The following NLN variants were observed in gnomAD, a reference collection of about 807,000 sequenced individuals.
NLN encodes the protein neurolysin.
In NLN, 64 loss-of-function variants were observed where a neutral mutation model predicts 79.9. That is an observed-to-expected ratio of 0.80 (90% CI 0.65 to 0.99). The LOEUF (loss-of-function observed/expected upper bound fraction) is 0.99, where lower values mean the gene tolerates loss of function less well. NLN is among the 50% of genes least tolerant of loss of function. NLN has a pLI of 0.00. For missense variants in NLN, 835 were observed against 858.7 expected, an observed-to-expected ratio of 0.97 and a Z score of 0.34; for synonymous variants, 267 against 296.6, an observed-to-expected ratio of 0.90 and a Z score of 1.02.
chr5:65,816,037 G>A (rs1357099472), intron 12 of NLN, among the ~76,000 whole-genome samples: 1 of 152,016 alleles, frequency 6.6e-6, no homozygotes, highest in Non-Finnish European at 1.5e-5. Flanking sequence ...AAAGAAAAGA[G>A]GAAGAAGAAC....
At chr5:65,782,841 T>C (rs570787534) in intron 6 of NLN, among the ~76,000 whole-genome samples, 1 of 152,302 alleles carries the variant, frequency 6.6e-6, no homozygotes, top group African/African-American at 2.4e-5. Context: ...TCCCAAACAA[T>C]TCCTCTAGGC....
chr5:65,748,968 A>T (rs1342882586), intron 1 of NLN, among the ~76,000 whole-genome samples: 6 of 151,974 alleles, frequency 3.9e-5, no homozygotes, highest in Non-Finnish European at 8.8e-5. Context: ...CTGGGGGCAG[A>T]TTTTTCCTGT....
chr5:65,728,170 A>G (rs1371354509), intron 1 of NLN, among the ~76,000 whole-genome samples: 21 of 152,344 alleles, frequency 1.4e-4, no homozygotes, highest in Non-Finnish European at 4.4e-5. Context: ...AAATATATAT[A>G]TAATCCAGCC....
At chr5:65,763,666 T>TG (rs1481138336) in intron 3 of NLN, among the ~76,000 whole-genome samples, 5 of 152,078 alleles carry the variant, frequency 3.3e-5, no homozygotes, top group Non-Finnish European at 5.9e-5. Context: ...GCAATTTTTT[T>TG]GGGGAAAAAA....
chr5:65,814,437 A>G (rs1342692182), intron 12 of NLN, among the ~76,000 whole-genome samples: 7 of 152,124 alleles, frequency 4.6e-5, no homozygotes, highest in African/African-American at 1.4e-4. Context: ...TTCACCTAAA[A>G]TATATGCCTC....
In NLN at chr5:65,809,535, C is replaced by G; in HGVS notation, c.1548C>G (p.Ser516Arg). ...TCTAGACTGATTTTGCACGATTTAG[C>G]GGAACAAATGTGGAAACTGACTTTG... ...ICAQTDFARF[S>R]GTNVETDFVE... Residue 516 changes from serine (S) to arginine (R), a missense_variant, in exon 10 of 13, where the codon AGC becomes AGG. Ser to Arg is a moderately radical substitution (Grantham distance 110). Coordinates refer to ENST00000380985, the MANE Select transcript of NLN (RefSeq NM_020726.5). 1 of 1,601,778 alleles carries G rather than the reference C, an allele frequency of 6.2e-7. No homozygotes were observed. The highest frequency in any genetic ancestry group is 8.5e-7 in the Non-Finnish European group (1 of 1,176,460).
chr5:65,787,016 G>T (rs1759939488), intron 7 of NLN, among the ~76,000 whole-genome samples: 1 of 152,220 alleles, frequency 6.6e-6, no homozygotes, highest in Non-Finnish European at 1.5e-5. Flanking sequence ...GGTTTGTAAA[G>T]AATGTTTCCT....
At chr5:65,768,480 A>G (rs535457036) in intron 3 of NLN, among the ~76,000 whole-genome samples, 1 of 152,328 alleles carries the variant, frequency 6.6e-6, no homozygotes, top group Non-Finnish European at 1.5e-5. Flanking sequence ...TCCCTCCCTC[A>G]ATACGTGGGG....
chr5:65,769,702 AC>A (rs2150751442), intron 3 of NLN, among the ~76,000 whole-genome samples: 1 of 152,344 alleles, frequency 6.6e-6, no homozygotes, highest in African/African-American at 2.4e-5. Flanking sequence ...GACTCATATA[AC>A]CTTGATTCCA....
At chr5:65,814,126 T>C (rs1760617600) in intron 12 of NLN, among the ~76,000 whole-genome samples, 1 of 152,192 alleles carries the variant, frequency 6.6e-6, no homozygotes, top group Non-Finnish European at 1.5e-5. Context: ...TCTGTTCTTT[T>C]CACAGCCTAA....
At chr5:65,785,697 A>G (rs1219860392) in intron 6 of NLN, 78 bp from the exon 7 acceptor site, 4 of 1,160,342 alleles carry the variant, frequency 3.4e-6, no homozygotes, top group Admixed American at 3.9e-5. Flanking sequence ...CTAAAAATAC[A>G]TACAGTAATT....
Position 65,722,393 on chromosome 5 carries a change from T to C in NLN, c.20T>C (p.Leu7Ser). The change falls in exon 1 of 13, where the codon TTG (leucine) becomes TCG (serine). Residue 7 changes from leucine to serine, a missense_variant. By Grantham distance (145) the Leu-to-Ser change is moderately radical (BLOSUM62 -2). Transcript: ENST00000380985. Reference protein sequence around the residue: MIARCLLAVRSLRRVGG... With the variant: MIARCLSAVRSLRRVGG... The stretch of plus-strand genomic sequence containing the variant: ...GCTCCCATGATCGCCCGGTGCCTTT[T>C]GGCTGTGCGAAGCCTCCGCAGGTAC... 1 of 1,591,646 alleles carries C rather than the reference T, an allele frequency of 6.3e-7. No individual in the cohort carries two copies. Among genetic ancestry groups the C allele is most frequent in the Non-Finnish European group, 8.5e-7 (1 of 1,170,498 alleles).
chr5:65,787,135 G>A (rs145781890), intron 7 of NLN, among the ~76,000 whole-genome samples: 89 of 152,114 alleles, frequency 5.9e-4, no homozygotes, highest in African/African-American at 2.0e-3. Flanking sequence ...CCTATGCAAA[G>A]TGTCCTCTTG....
At chr5:65,778,288 T>C (rs987628407) in intron 4 of NLN, among the ~76,000 whole-genome samples, 1 of 152,198 alleles carries the variant, frequency 6.6e-6, no homozygotes, top group Non-Finnish European at 1.5e-5. Context: ...AGAATTAACC[T>C]TTTTCTTCTT....
intron 3 of NLN, among the ~76,000 whole-genome samples, chr5:65,774,530 G>A (rs1460177245): frequency 6.6e-6 from 1 of 152,058 alleles, no homozygotes; most frequent in Non-Finnish European, 1.5e-5. Context: ...TCAGCTCTGG[G>A]ATAGGAATGT....
chr5:65,730,229 T>A (rs1758576078), intron 1 of NLN, among the ~76,000 whole-genome samples: 1 of 151,960 alleles, frequency 6.6e-6, no homozygotes, highest in African/African-American at 2.4e-5. Flanking sequence ...AGAGCAAAAG[T>A]AAAATGGGAA....
rs181682379 is a variant in NLN, at chr5:65,748,590, C to T, written c.42-9977C>T. Reference sequence around the variant, plus strand: ...CCTGGGCAACATAGGGAAACCCCATCTCTACAGGAATTAAATTAGCCAGGC... The same window carrying T: ...CCTGGGCAACATAGGGAAACCCCATTTCTACAGGAATTAAATTAGCCAGGC... On this transcript the variant is annotated intron_variant, in intron 1 of 12. Coordinates refer to ENST00000380985, the MANE Select transcript of NLN (RefSeq NM_020726.5). Among the ~76,000 whole-genome samples, 39 of 152,224 alleles carry T rather than the reference C, an allele frequency of 2.6e-4. 1 individual carries two copies. In the East Asian group the frequency reaches 7.4e-3, roughly 29 times the overall value.
intron 1 of NLN, among the ~76,000 whole-genome samples, chr5:65,737,176 A>G (rs1758745953): frequency 6.6e-6 from 1 of 152,212 alleles, no homozygotes; most frequent in Non-Finnish European, 1.5e-5. Context: ...TGTACAAGCC[A>G]CTGAGCTAAA....
At chr5:65,796,356 CACTTTAGTACTAG>C (rs980520118) in intron 9 of NLN, among the ~76,000 whole-genome samples, 44 of 152,260 alleles carry the variant, frequency 2.9e-4, no homozygotes, top group South Asian at 6.2e-4. Flanking sequence ...TTGAGATAGT[CACTTTAGTACTAG>C]AAAGATCTTT....
Sources: gnomAD v4.1 joint callset for allele counts (sites outside exome capture counted in the v4.1 genomes callset) on GRCh38, gnomAD v4.1.1 for gene constraint, MANE v1.5 for transcripts, NCBI Gene and HGNC (gene_info 2026-07-23, HGNC 2026-07-21) for gene names.